Variants in PHF21B observed in about 807,000 individuals in gnomAD.
The protein encoded by PHF21B is PHD finger protein 21B, also known as PHD finger protein 4.
A neutral mutation model predicts 62.2 loss-of-function variants in PHF21B; 22 were observed. That is an observed-to-expected ratio of 0.35 (90% CI 0.25 to 0.51). The LOEUF (loss-of-function observed/expected upper bound fraction) is 0.51. PHF21B is among the 20% of genes least tolerant of loss of function. The pLI, the probability that PHF21B is intolerant of heterozygous loss-of-function variation, is 0.97. For synonymous variants in PHF21B, 341 were observed against 314.7 expected, an observed-to-expected ratio of 1.08 and a Z score of -0.88; for missense variants, 701 against 707.9, an observed-to-expected ratio of 0.99 and a Z score of 0.11.
chr22:44,991,183 G>A (rs1333255280), intron 2 of PHF21B, among the ~76,000 whole-genome samples: 1 of 152,206 alleles, frequency 6.6e-6, no homozygotes. Flanking sequence ...TGTGCACCAA[G>A]GGGATTAAGT....
chr22:44,964,902 G>A (rs1219228433), intron 2 of PHF21B, among the ~76,000 whole-genome samples: 1 of 152,238 alleles, frequency 6.6e-6, no homozygotes, highest in African/African-American at 2.4e-5. Flanking sequence ...GCCCTCTGCA[G>A]TGTGAGGCCG....
chr22:44,885,873 G>A lies in PHF21B; in HGVS notation c.1263C>T (p.Thr421=), dbSNP rs370408123. ...GMLAIVHSYV[T]HKTVKEEEKQ... is the part of the protein sequence containing the mutation. Reference sequence around the variant, plus strand: ...CCAGGGATGCCTCACCTGTCTTGTGGGTGACATAAGAGTGCACGATGGCCA... The same window carrying A: ...CCAGGGATGCCTCACCTGTCTTGTGAGTGACATAAGAGTGCACGATGGCCA... The change falls in exon 11 of 13, where the codon ACC becomes ACT. Residue 421 remains threonine, a synonymous_variant. Coordinates refer to ENST00000313237, the MANE Select transcript of PHF21B (RefSeq NM_138415.5). 2.8e-5 allele frequency: 46 copies of A among 1,614,066 alleles called. No homozygotes were observed. Among genetic ancestry groups the A allele is most frequent in the Non-Finnish European group, 3.7e-5 (44 of 1,179,972 alleles).
intron 2 of PHF21B, among the ~76,000 whole-genome samples, chr22:44,945,587 G>T (rs1209386147): frequency 6.6e-6 from 1 of 152,132 alleles, no homozygotes; most frequent in Non-Finnish European, 1.5e-5. Context: ...CAGATCCCCT[G>T]CACCTGGGCT....
At chr22:44,893,350 G>C (rs776202721) in intron 7 of PHF21B, 107 bp downstream of exon 7, 83 of 1,045,592 alleles carry the variant, frequency 7.9e-5, no homozygotes, top group Non-Finnish European at 1.1e-4. Context: ...GGACAGACGA[G>C]GGGGGTGCTT....
At position 44,927,635 on chromosome 22, in the gene PHF21B, A is replaced by C. The variant is rs6007389; in HGVS notation, c.121-7145T>G. Among the ~76,000 whole-genome samples the C allele has an allele frequency of 9.9e-3, 1,504 of 152,172 alleles. 28 individuals carry two copies. Among genetic ancestry groups the C allele is most frequent in the African/African-American group, 0.034 (1,409 of 41,524 alleles). ...ATGCTAAGCTAGCTTCAGGCTCTCC[A>C]ATCTCTACGTGTTTTCTTCACTCCA... is the stretch of plus-strand genomic sequence containing the variant. On this transcript the variant is annotated intron_variant, in intron 2 of 12. Coordinates refer to ENST00000313237, the MANE Select transcript of PHF21B (RefSeq NM_138415.5).
intron 2 of PHF21B, among the ~76,000 whole-genome samples, chr22:44,974,242 C>G (rs946300026): frequency 6.6e-6 from 1 of 152,012 alleles, no homozygotes; most frequent in African/African-American, 2.4e-5. Context: ...TGGCGAAACC[C>G]TGTCTCTACT....
At chr22:44,990,823 T>C (rs2073031206) in intron 2 of PHF21B, among the ~76,000 whole-genome samples, 1 of 152,224 alleles carries the variant, frequency 6.6e-6, no homozygotes. Flanking sequence ...AGACGGTAAG[T>C]TTTATGTTAT....
At chr22:44,915,040 C>T (rs1200798274) in intron 4 of PHF21B, among the ~76,000 whole-genome samples, 9 of 152,210 alleles carry the variant, frequency 5.9e-5, no homozygotes, top group Admixed American at 2.6e-4. Context: ...TCCCTAAGCA[C>T]GGGTGGTGAC....
At chr22:44,894,312 T>C (rs944473372) in intron 6 of PHF21B, among the ~76,000 whole-genome samples, 4 of 152,092 alleles carry the variant, frequency 2.6e-5, no homozygotes, top group African/African-American at 9.7e-5. Flanking sequence ...ATCACGCCTA[T>C]TAGGAACGCA....
At chr22:44,984,216 C>T (rs1444733757) in intron 2 of PHF21B, among the ~76,000 whole-genome samples, 1 of 146,176 alleles carries the variant, frequency 6.8e-6, no homozygotes, top group Non-Finnish European at 1.5e-5. Context: ...CCATCATCAC[C>T]ACCACCATCA....
intron 2 of PHF21B, among the ~76,000 whole-genome samples, chr22:44,987,520 G>A (rs1158610614): frequency 6.6e-6 from 1 of 152,162 alleles, no homozygotes; most frequent in African/African-American, 2.4e-5. Context: ...ACAGGCTCAA[G>A]CTTACGAAAC....
At chr22:44,925,659 A>G (rs1298520996) in intron 2 of PHF21B, among the ~76,000 whole-genome samples, 3 of 152,214 alleles carry the variant, frequency 2.0e-5, no homozygotes, top group South Asian at 2.1e-4. Flanking sequence ...CTCCCAATCC[A>G]TAACACCGCC....
At chr22:44,949,982 A>G (rs2072161224) in intron 2 of PHF21B, among the ~76,000 whole-genome samples, 1 of 152,184 alleles carries the variant, frequency 6.6e-6, no homozygotes, top group African/African-American at 2.4e-5. Flanking sequence ...GCATTTCTCC[A>G]TGGATGACAC....
At position 44,908,568 on chromosome 22, in the gene PHF21B, T is replaced by A. The variant is rs577066178; in HGVS notation, c.831+5254A>T. Among the ~76,000 whole-genome samples the A allele has an allele frequency of 1.1e-4, 16 of 152,330 alleles. No individual in the cohort carries two copies. In the South Asian group the frequency reaches 1.9e-3, roughly 18 times the overall value. On this transcript the variant is annotated intron_variant, in intron 5 of 12. Transcript: ENST00000313237. ...GCTGGCCATCCCACATGTGCCCTGC[T>A]GAGGGCAAGTGCCACTTTCTGGGGA...
intron 10 of PHF21B, among the ~76,000 whole-genome samples, chr22:44,886,196 C>T (rs1414615535): frequency 2.0e-5 from 3 of 152,106 alleles, no homozygotes; most frequent in East Asian, 1.9e-4. Flanking sequence ...AAATACTTCT[C>T]GAACGAACGA....
At chr22:44,908,162 C>T (rs1231429297) in intron 5 of PHF21B, among the ~76,000 whole-genome samples, 2 of 152,168 alleles carry the variant, frequency 1.3e-5, no homozygotes, top group Admixed American at 6.5e-5. Flanking sequence ...TCAGCCTGAC[C>T]AAAGGCAGAG....
chr22:44,975,685 G>A (rs1432633538), intron 2 of PHF21B, among the ~76,000 whole-genome samples: 1 of 152,186 alleles, frequency 6.6e-6, no homozygotes, highest in Non-Finnish European at 1.5e-5. Flanking sequence ...CCAAATCAGC[G>A]AGGGAAGCCC....
chr22:44,949,579 T>C (rs2072153222), intron 2 of PHF21B, among the ~76,000 whole-genome samples: 1 of 152,174 alleles, frequency 6.6e-6, no homozygotes, highest in East Asian at 1.9e-4. Flanking sequence ...GTCAGCAAGT[T>C]TTGCGACTCA....
chr22:44,903,561 GC>G (rs2071198133), intron 5 of PHF21B, among the ~76,000 whole-genome samples: 1 of 152,218 alleles, frequency 6.6e-6, no homozygotes, highest in Non-Finnish European at 1.5e-5. Context: ...TGGAAGCTCA[GC>G]CAAGTCTTTT....
Sources: gnomAD v4.1 joint callset for allele counts (sites outside exome capture counted in the v4.1 genomes callset) on GRCh38, gnomAD v4.1.1 for gene constraint, MANE v1.5 for transcripts, NCBI Gene and HGNC (gene_info 2026-07-23, HGNC 2026-07-21) for gene names.